NFKBID: variants seen among roughly 807,000 people sequenced by gnomAD.
NFKBID encodes NFKB inhibitor delta.
A neutral mutation model predicts 53.4 loss-of-function variants in NFKBID; 26 were observed. That is an observed-to-expected ratio of 0.49 (90% CI 0.36 to 0.68). The LOEUF is 0.68. Ranked by LOEUF, NFKBID falls within the 30% of genes least tolerant of loss-of-function variation. NFKBID has a pLI of 0.00. For synonymous variants in NFKBID, 262 were observed against 259.8 expected, an observed-to-expected ratio of 1.01 and a Z score of -0.08; for missense variants, 493 against 614.1, an observed-to-expected ratio of 0.80 and a Z score of 2.08.
chr19:35,891,349 T>G (rs1330010636), intron 9 of NFKBID, among the ~76,000 whole-genome samples: 1 of 152,184 alleles, frequency 6.6e-6, no homozygotes, highest in African/African-American at 2.4e-5. Context: ...ACCACCTAGT[T>G]TGCTCGTCCA....
intron 9 of NFKBID, among the ~76,000 whole-genome samples, chr19:35,892,376 A>G (rs1974827682): frequency 6.6e-6 from 1 of 151,820 alleles, no homozygotes; most frequent in Non-Finnish European, 1.5e-5. Flanking sequence ...TAAAAAACTT[A>G]TTATTATTAC....
At chr19:35,890,514 G>C (rs746293688) in intron 9 of NFKBID, 24 bp from the exon 10 acceptor site, 2 of 1,525,786 alleles carry the variant, frequency 1.3e-6, no homozygotes, top group South Asian at 2.2e-5. Context: ...AATGGCAGAG[G>C]TCAGGGCCAG....
At chr19:35,890,012 G>A in exon 11 of NFKBID, 1 of 1,608,246 alleles carries the variant, frequency 6.2e-7, no homozygotes. Flanking sequence ...GCCGGCCCAG[G>A]GGGCAGGGCA....
chr19:35,900,507 G>A (rs1405141879), exon 1 of NFKBID: 10 of 1,231,856 alleles, frequency 8.1e-6, no homozygotes, highest in Non-Finnish European at 1.0e-5. Flanking sequence ...CGCCAGCCTC[G>A]CTGTTTCCCC....
intron 11 of NFKBID, among the ~76,000 whole-genome samples, chr19:35,889,636 A>T (rs554193382): frequency 6.6e-6 from 1 of 152,198 alleles, no homozygotes; most frequent in Non-Finnish European, 1.5e-5. Flanking sequence ...GTCAAGCAAG[A>T]TTCAGGGTTG....
rs767498543 is a variant in NFKBID, at chr19:35,896,675, C to G, written c.684+51G>C. 1 of 1,578,812 alleles carries G rather than the reference C, an allele frequency of 6.3e-7. No homozygotes were observed. The highest frequency in any genetic ancestry group is 1.7e-5 in the Admixed American group (1 of 58,274). ...TCTCTAGGATCCAGGGGTCCAGGCC[C>G]CAGGCTCCTTCCTCCCCTGAACCCA... On this transcript the variant is annotated intron_variant, in intron 6 of 11. Coordinates refer to ENST00000641389, the Ensembl canonical transcript of NFKBID. The surrounding 1 kb of genome is among the most constrained non-coding windows in gnomAD (Gnocchi z 5.7).
chr19:35,889,348 G>T (rs919979540), intron 11 of NFKBID, among the ~76,000 whole-genome samples: 6 of 151,942 alleles, frequency 3.9e-5, no homozygotes, highest in African/African-American at 1.2e-4. Context: ...AGAGCAAGAC[G>T]CTGCCTCAAA....
rs1236214702 is a variant in NFKBID, at chr19:35,897,700, T to C, written c.383A>G (p.Tyr128Cys). The change falls in exon 4 of 12, where the codon TAC becomes TGC. Residue 128 changes from tyrosine to cysteine, a missense_variant. Physicochemically the swap from Tyr to Cys is radical, Grantham distance 194. This residue lies in a region of NFKBID where 226 missense variants were observed against 229.5 expected (regional missense o/e 0.98). Transcript: ENST00000641389. ...CGGCTGCCCTGGGTCCGAGGGTGGG[T>C]AGAAGTCAGGAGGCAGGAAATTTTC... The C allele has an allele frequency of 5.6e-6, 9 of 1,611,618 alleles. No individual in the cohort carries two copies. The Admixed American group carries it at 1.0e-4, about 18-fold the overall frequency.
rs751637838 is a variant in NFKBID at position 35,896,124 on chromosome 19, G to A, written c.888C>T (p.Leu296=). Reference sequence around the variant, plus strand: ...CCAGGATGGCCGTGTGGAGCGGGGTGAGGCCTGCAGAATGGAGACAGTGAG... The same window carrying A: ...CCAGGATGGCCGTGTGGAGCGGGGTAAGGCCTGCAGAATGGAGACAGTGAG... The change falls in exon 9 of 12, where the codon CTC becomes CTT. Residue 296 remains leucine (L), a synonymous_variant. Transcript: ENST00000641389. This position sits in a 1 kb window ranked among gnomAD's most constrained non-coding sequence, Gnocchi z 5.7. The A allele has an allele frequency of 3.7e-5, 60 of 1,614,052 alleles. No individual in the cohort carries two copies. The highest frequency in any genetic ancestry group is 4.3e-5 in the Non-Finnish European group (51 of 1,180,000).
exon 1 of NFKBID, chr19:35,900,644 CG>C: frequency 8.1e-7 from 1 of 1,228,928 alleles, no homozygotes; most frequent in Non-Finnish European, 1.0e-6. Flanking sequence ...GGTCGCGCTC[CG>C]GCGAACGCAG....
chr19:35,894,201 G>GT (rs1837690942), intron 9 of NFKBID, among the ~76,000 whole-genome samples: 1 of 152,012 alleles, frequency 6.6e-6, no homozygotes, highest in Admixed American at 6.6e-5. Context: ...AGAGGTTGCA[G>GT]TAAGCCGAGA....
upstream of NFKBID, chr19:35,902,117 C>A: frequency 1.4e-6 from 1 of 701,526 alleles, no homozygotes; most frequent in South Asian, 1.5e-5. Context: ...TCAGCATCTC[C>A]ACAGGGAGAT....
chr19:35,898,908 G>A, intron 1 of NFKBID, 86 bp from the exon 2 acceptor site: 1 of 1,009,592 alleles, frequency 9.9e-7, no homozygotes, highest in Non-Finnish European at 1.5e-6. Flanking sequence ...AGTGGGTTTG[G>A]GCACCCTCCT....
At chr19:35,892,699 C>T (rs924174374) in intron 9 of NFKBID, among the ~76,000 whole-genome samples, 2 of 152,146 alleles carry the variant, frequency 1.3e-5, no homozygotes, top group South Asian at 2.1e-4. Flanking sequence ...TTGTGAGCCC[C>T]GCATCCAATA....
At chr19:35,888,669 A>G (rs550236962) in intron 11 of NFKBID, 57 bp from the exon 12 acceptor site, 8 of 1,337,668 alleles carry the variant, frequency 6.0e-6, no homozygotes, top group Non-Finnish European at 7.4e-6. Flanking sequence ...AGAGGTGGGG[A>G]AGGCACGCCA....
chr19:35,902,065 G>T, upstream of NFKBID: 1 of 660,478 alleles, frequency 1.5e-6, no homozygotes, highest in Non-Finnish European at 2.8e-6. Flanking sequence ...TACATCTCCA[G>T]ACCAGCCTTA....
rs769374732 is a variant in NFKBID, at chr19:35,889,845, G to C, written c.1314+45C>G. Reference sequence around the variant, plus strand: ...GGGGCAGGGAGGTCATCCCGCGCCCGCGAGCTCAGAGGCCACTCTACAGGC... The same window carrying C: ...GGGGCAGGGAGGTCATCCCGCGCCCCCGAGCTCAGAGGCCACTCTACAGGC... On this transcript the variant is annotated intron_variant, in intron 11 of 11. Coordinates refer to ENST00000641389, the Ensembl canonical transcript of NFKBID. 3.2e-6 allele frequency: 5 copies of C among 1,554,276 alleles called. No individual in the cohort carries two copies. In the Admixed American group the frequency reaches 5.7e-5, roughly 18 times the overall value.
intron 4 of NFKBID, 115 bp from the exon 5 acceptor site, chr19:35,897,173 ATCTG>A: frequency 9.1e-7 from 1 of 1,095,078 alleles, no homozygotes; most frequent in Non-Finnish European, 1.3e-6. Context: ...CCACACACAC[ATCTG>A]CATGCAGAGC....
exon 12 of NFKBID, chr19:35,888,327 T>C (rs1335175894): frequency 3.7e-6 from 2 of 542,220 alleles, no homozygotes; most frequent in Non-Finnish European, 6.6e-6. Context: ...TCAAGGGGCC[T>C]CGATTTCACA....
Sources: gnomAD v4.1 joint callset for allele counts (sites outside exome capture counted in the v4.1 genomes callset) on GRCh38, gnomAD v4.1.1 for gene constraint, gnomAD v4.1.1 regional missense constraint, Gnocchi (gnomAD v3.1) non-coding constraint, MANE v1.5 for transcripts, NCBI Gene and HGNC (gene_info 2026-07-23, HGNC 2026-07-21) for gene names.